The following ARHGAP26 variants were observed in gnomAD, a reference collection of about 807,000 sequenced individuals.
ARHGAP26 encodes the protein rho GTPase-activating protein 26.
In ARHGAP26, 38 loss-of-function variants were observed where a neutral mutation model predicts 104.8. The ratio of observed to expected loss-of-function variants is 0.36; its 90% CI spans 0.28 to 0.48. ARHGAP26 has a LOEUF of 0.48. ARHGAP26 is among the 20% of genes least tolerant of loss of function. The probability of loss-of-function intolerance (pLI) is 0.99; values close to 1 mark genes in which losing one functional copy is unlikely to be tolerated. For synonymous variants in ARHGAP26, 341 were observed against 340.0 expected (o/e 1.00, Z -0.03); for missense variants, 704 against 947.9 (o/e 0.74, Z 3.38).
At chr5:143,179,655 G>A (rs1272588046) in intron 20 of ARHGAP26, among the ~76,000 whole-genome samples, 1 of 152,192 alleles carries the variant, frequency 6.6e-6, no homozygotes, top group African/African-American at 2.4e-5. Context: ...CTCTCCAGAG[G>A]GTTTCTTGGG....
At chr5:142,803,716 C>T (rs1459919587) in intron 1 of ARHGAP26, among the ~76,000 whole-genome samples, 1 of 152,178 alleles carries the variant, frequency 6.6e-6, no homozygotes, top group Admixed American at 6.5e-5. Context: ...CAGGCAGGGA[C>T]TCTGGTGGCA....
At chr5:142,830,348 A>T (rs1768150154) in intron 1 of ARHGAP26, among the ~76,000 whole-genome samples, 1 of 152,182 alleles carries the variant, frequency 6.6e-6, no homozygotes, top group Admixed American at 6.5e-5. Context: ...AGTGCAATTG[A>T]GAGTGACTAT....
At chr5:142,997,825 C>T (rs1336681991) in intron 11 of ARHGAP26, among the ~76,000 whole-genome samples, 4 of 151,202 alleles carry the variant, frequency 2.6e-5, no homozygotes, top group South Asian at 2.1e-4. Flanking sequence ...ATGCTGATAT[C>T]GTGTCTAAGT....
intron 1 of ARHGAP26, among the ~76,000 whole-genome samples, chr5:142,813,008 G>A (rs1195035840): frequency 3.3e-5 from 5 of 150,712 alleles, no homozygotes; most frequent in Non-Finnish European, 7.4e-5. Flanking sequence ...CGCGATCTCG[G>A]CTCACTGCAA....
Position 143,182,007 on chromosome 5 carries a change from G to A in ARHGAP26, c.1989-25191G>A, listed in dbSNP as rs116959266. Among the ~76,000 whole-genome samples the A allele has an allele frequency of 1.7e-3, 265 of 152,148 alleles. 4 individuals are homozygous for A. The East Asian group carries it at 0.042, about 24-fold the overall frequency. ...CGCTCCTGTGCTTATTCTTGTCCCC[G>A]TACAAAGCACATCCATTCTCGCTGT... On this transcript the variant is annotated intron_variant, in intron 20 of 22. Coordinates refer to ENST00000645722, the MANE Select transcript of ARHGAP26 (RefSeq NM_001135608.3).
At chr5:143,034,466 A>G (rs1220475471) in intron 12 of ARHGAP26, among the ~76,000 whole-genome samples, 2 of 152,232 alleles carry the variant, frequency 1.3e-5, no homozygotes, top group Admixed American at 6.5e-5. Context: ...GCTTGAAAAC[A>G]TTATGTTAAG....
intron 6 of ARHGAP26, among the ~76,000 whole-genome samples, chr5:142,895,334 G>A (rs1759313949): frequency 6.6e-6 from 1 of 151,928 alleles, no homozygotes; most frequent in African/African-American, 2.4e-5. Flanking sequence ...GGGTTCAAGC[G>A]ATTCTCCTGC....
At chr5:142,788,981 TTAAG>T in intron 1 of ARHGAP26, among the ~76,000 whole-genome samples, 1 of 152,366 alleles carries the variant, frequency 6.6e-6, no homozygotes, top group South Asian at 2.1e-4. Context: ...CATAGAGAGA[TTAAG>T]TGTCTTAGAC....
At chr5:142,826,592 T>A (rs1199919295) in intron 1 of ARHGAP26, among the ~76,000 whole-genome samples, 1 of 152,214 alleles carries the variant, frequency 6.6e-6, no homozygotes, top group East Asian at 1.9e-4. Flanking sequence ...CCCAGGGATG[T>A]CTGGCAGGTG....
At chr5:142,810,916 G>T (rs1280495983) in intron 1 of ARHGAP26, among the ~76,000 whole-genome samples, 1 of 152,214 alleles carries the variant, frequency 6.6e-6, no homozygotes, top group Non-Finnish European at 1.5e-5. Context: ...CACATTTTGG[G>T]AAGTTCTGTT....
Position 143,129,019 on chromosome 5 carries a change from G to T in ARHGAP26, c.1699-4948G>T, listed in dbSNP as rs187810820. Among the ~76,000 whole-genome samples the T allele has an allele frequency of 2.1e-3, 313 of 152,234 alleles. 2 individuals are homozygous for T. The highest frequency in any genetic ancestry group is 7.3e-3 in the African/African-American group (303 of 41,524). On this transcript the variant is annotated intron_variant, in intron 18 of 22. Transcript: ENST00000645722. ...CATGTGACAGATGGGATTGAAGAAG[G>T]TCTAAAAATGTGTATGTGACATGGA...
chr5:143,069,583 T>C (rs1219330489), intron 17 of ARHGAP26, among the ~76,000 whole-genome samples: 1 of 152,180 alleles, frequency 6.6e-6, no homozygotes, highest in African/African-American at 2.4e-5. Flanking sequence ...TAGGACCACA[T>C]GTAATGGGAG....
At chr5:143,047,040 A>C (rs246657) in intron 14 of ARHGAP26, among the ~76,000 whole-genome samples, 1 of 152,098 alleles carries the variant, frequency 6.6e-6, no homozygotes, top group Non-Finnish European at 1.5e-5. Flanking sequence ...TAGAGTGTCT[A>C]TTGTCACATG....
intron 11 of ARHGAP26, among the ~76,000 whole-genome samples, chr5:142,949,200 A>AGGAGAGAGAG (rs778905979): frequency 3.6e-5 from 1 of 27,664 alleles, no homozygotes; most frequent in African/African-American, 3.5e-4. Flanking sequence ...AGAGAGAGAG[A>AGGAGAGAGAG]GAGAGAGAGA....
intron 22 of ARHGAP26, chr5:143,216,400 ATTAC>A (rs1199115109): frequency 6.9e-6 from 3 of 437,500 alleles, no homozygotes; most frequent in African/African-American, 6.1e-5. Flanking sequence ...TGCTCTGAGA[ATTAC>A]TTACAAGGCC....
At chr5:143,203,586 G>A (rs1325888056) in intron 20 of ARHGAP26, 2 of 151,830 alleles carry the variant, frequency 1.3e-5, no homozygotes, top group African/African-American at 4.9e-5. Context: ...ACACCCAAAG[G>A]ATTATAAATC....
chr5:142,785,534 G>C (rs1295057321), intron 1 of ARHGAP26, among the ~76,000 whole-genome samples: 1 of 152,182 alleles, frequency 6.6e-6, no homozygotes, highest in Non-Finnish European at 1.5e-5. Flanking sequence ...ACGAGAGCGT[G>C]TTATTTCTGC....
chr5:142,954,707 T>C lies in ARHGAP26; in HGVS notation c.1107+22582T>C, dbSNP rs147913562. On this transcript the variant is annotated intron_variant, in intron 11 of 22. Transcript: ENST00000645722. Reference sequence around the variant, plus strand: ...GTATAAGCATATGAAACTTGACTAGTGTCCAGTGGTGATATGACGTCAACT... The same window carrying C: ...GTATAAGCATATGAAACTTGACTAGCGTCCAGTGGTGATATGACGTCAACT... Among the ~76,000 whole-genome samples, 27 of 152,336 alleles carry C rather than the reference T, an allele frequency of 1.8e-4. No homozygotes were observed. In the East Asian group the frequency reaches 5.0e-3, roughly 28 times the overall value.
chr5:142,844,919 A>G (rs1306234136), intron 1 of ARHGAP26, among the ~76,000 whole-genome samples: 1 of 151,790 alleles, frequency 6.6e-6, no homozygotes, highest in Non-Finnish European at 1.5e-5. Context: ...TTTGCAGGCT[A>G]TTCCTCCCCT....
Sources: gnomAD v4.1 joint callset for allele counts (sites outside exome capture counted in the v4.1 genomes callset) on GRCh38, gnomAD v4.1.1 for gene constraint, MANE v1.5 for transcripts, NCBI Gene and HGNC (gene_info 2026-07-23, HGNC 2026-07-21) for gene names.